Variants in RNASEH2A observed in about 807,000 individuals in gnomAD.
RNASEH2A encodes ribonuclease H2 subunit A, also known as RNase H(35).
Under a neutral mutation model 32.7 loss-of-function variants are expected in RNASEH2A, and 30 were observed. The ratio of observed to expected loss-of-function variants is 0.92; its 90% CI spans 0.69 to 1.25. RNASEH2A has a LOEUF of 1.25. Ranked by LOEUF, RNASEH2A falls within the 50% of genes most tolerant of loss-of-function variation. The pLI, the probability that RNASEH2A is intolerant of heterozygous loss-of-function variation, is 0.00. For missense variants in RNASEH2A, 409 were observed against 398.1 expected (o/e 1.03, Z -0.23); for synonymous variants, 147 against 165.4 (o/e 0.89, Z 0.86).
rs2145830339 is a variant in RNASEH2A at position 12,813,226 on chromosome 19, T to C, written c.761+20T>C. 10 of 1,613,912 alleles carry C rather than the reference T, an allele frequency of 6.2e-6. No homozygotes were observed. Among genetic ancestry groups the C allele is most frequent in the Non-Finnish European group, 7.6e-6 (9 of 1,179,930 alleles). On this transcript the variant is annotated intron_variant, in intron 7 of 7. Coordinates refer to ENST00000221486, the MANE Select transcript of RNASEH2A (RefSeq NM_006397.3). Reference sequence around the variant, plus strand: ...TATATGGTGGGTGTCATGGATGTCCTGGGGGTGCTATAGGGAAGGAAGGAG... The same window carrying C: ...TATATGGTGGGTGTCATGGATGTCCCGGGGGTGCTATAGGGAAGGAAGGAG...
chr19:12,807,775 T>C (rs879503361), intron 4 of RNASEH2A: 3 of 437,902 alleles, frequency 6.9e-6, no homozygotes, highest in Non-Finnish European at 1.3e-5. Context: ...CTACTAAAAA[T>C]ACAAAAATTA....
chr19:12,810,579 G>A (rs1182158250), intron 6 of RNASEH2A, among the ~76,000 whole-genome samples, 175 bp downstream of exon 6: 6 of 152,184 alleles, frequency 3.9e-5, no homozygotes, highest in African/African-American at 1.4e-4. Flanking sequence ...TGCCCAGGCT[G>A]GAGTGTAATG....
chr19:12,806,810 T>A lies in RNASEH2A; in HGVS notation c.127+10T>A, dbSNP rs1357684642. 1 of 1,585,372 alleles carries A rather than the reference T, an allele frequency of 6.3e-7. No individual in the cohort carries two copies. Among genetic ancestry groups the A allele is most frequent in the Non-Finnish European group, 8.6e-7 (1 of 1,166,418 alleles). On this transcript the variant is annotated intron_variant, in intron 1 of 7. Transcript: ENST00000221486. ...AGGGGCCCCGTGCTGGGTGCGCCCC[T>A]AGGGCCAGGGAGGGGAGGGGCGTGG...
intron 4 of RNASEH2A, among the ~76,000 whole-genome samples, chr19:12,808,347 T>C (rs1163730074): frequency 6.6e-6 from 1 of 152,238 alleles, no homozygotes; most frequent in Admixed American, 6.5e-5. Context: ...TCATTGCTAC[T>C]GTTGATTTCG....
chr19:12,809,504 C>G (rs994435840), intron 4 of RNASEH2A, among the ~76,000 whole-genome samples: 1 of 152,092 alleles, frequency 6.6e-6, no homozygotes, highest in Non-Finnish European at 1.5e-5. Context: ...CTACACCTAG[C>G]TAACTTTTTA....
In RNASEH2A at chr19:12,813,398, C is replaced by G; in HGVS notation, c.832C>G (p.Gln278Glu). Residue 278 changes from glutamine to glutamate, a missense_variant, in exon 8 of 8, where the codon CAA becomes GAA. By Grantham distance (29) the Gln-to-Glu change is conservative. Transcript: ENST00000221486. ...ATCCTACTTCCTCAATGAAGGGTCCCAAGCCCGTCCCCGTTCTTCCCACCG... is the reference window on the plus strand; with the variant it reads ...ATCCTACTTCCTCAATGAAGGGTCCGAAGCCCGTCCCCGTTCTTCCCACCG... ...ITSYFLNEGS[Q>E]ARPRSSHRYF... 2.5e-6 allele frequency: 4 copies of G among 1,614,164 alleles called. 1 individual carries two copies. The highest frequency in any genetic ancestry group is 3.4e-6 in the Non-Finnish European group (4 of 1,180,034).
chr19:12,811,222 T>C (rs1429833185), intron 6 of RNASEH2A, among the ~76,000 whole-genome samples: 1 of 152,170 alleles, frequency 6.6e-6, no homozygotes, highest in Non-Finnish European at 1.5e-5. Context: ...TTCCAGGCCA[T>C]AGGATTGCTG....
At chr19:12,809,039 G>A (rs1429428719) in intron 4 of RNASEH2A, among the ~76,000 whole-genome samples, 1 of 151,870 alleles carries the variant, frequency 6.6e-6, no homozygotes, top group Non-Finnish European at 1.5e-5. Flanking sequence ...ACAGACAAGG[G>A]CCCTACCCGT....
Position 12,807,713 on chromosome 19 carries a change from C to T in RNASEH2A, c.411+207C>T, listed in dbSNP as rs1969016079. 5 of 599,306 alleles carry T rather than the reference C, an allele frequency of 8.3e-6. 1 individual carries two copies. The South Asian group carries it at 9.0e-5, about 11-fold the overall frequency. 37.1% of individuals were successfully genotyped at this position (599,306 alleles called of 1,614,324 possible). A position where few individuals can be genotyped will look rare whatever the true frequency, so the allele number is the denominator to read the frequency against. ...TTGGGAAGCCGCGGCGGGTAGATCA[C>T]CGGAGGTCAAGAGTTCGAGACCAGC... On this transcript the variant is annotated intron_variant, in intron 4 of 7. Transcript: ENST00000221486.
In RNASEH2A at chr19:12,813,314, C is replaced by G. The variant is rs1297237306; in HGVS notation, c.762-14C>G. ...CCTGTGTAAGTGGTCACTGTCATCA[C>G]CTCTCTCCCACAGGGAGGACTCAGC... is the stretch of plus-strand genomic sequence containing the variant. On this transcript the variant is annotated splice_polypyrimidine_tract_variant and intron_variant, in intron 7 of 7. Coordinates refer to ENST00000221486, the MANE Select transcript of RNASEH2A (RefSeq NM_006397.3). 1 of 1,614,142 alleles carries G rather than the reference C, an allele frequency of 6.2e-7. No individual in the cohort carries two copies.
intron 4 of RNASEH2A, among the ~76,000 whole-genome samples, chr19:12,809,694 C>T (rs1005928465): frequency 1.3e-5 from 2 of 152,194 alleles, no homozygotes; most frequent in East Asian, 1.9e-4. Context: ...ATGTGGCATG[C>T]AGTAGGTGCT....
chr19:12,811,315 T>C (rs1969067416), intron 6 of RNASEH2A, among the ~76,000 whole-genome samples: 1 of 152,080 alleles, frequency 6.6e-6, no homozygotes, highest in South Asian at 2.1e-4. Context: ...TGTCCCTTTG[T>C]TAAGGGGAAG....
intron 4 of RNASEH2A, 47 bp downstream of exon 4, chr19:12,807,553 T>A (rs749940044): frequency 6.7e-7 from 1 of 1,501,118 alleles, no homozygotes; most frequent in Non-Finnish European, 9.3e-7. Flanking sequence ...CAGGATAAAA[T>A]GGGGACAAAA....
chr19:12,811,065 A>G (rs1376495643), intron 6 of RNASEH2A, among the ~76,000 whole-genome samples: 1 of 152,040 alleles, frequency 6.6e-6, no homozygotes, highest in Non-Finnish European at 1.5e-5. Flanking sequence ...ACTCCCAAAT[A>G]GCTAGGATTA....
intron 4 of RNASEH2A, chr19:12,807,842 G>A (rs975431522): frequency 5.5e-6 from 2 of 362,554 alleles, no homozygotes; most frequent in Middle Eastern, 1.9e-3. Context: ...TGAGACAGGA[G>A]AATCGCTTGA....
In RNASEH2A at chr19:12,813,007, GA is replaced by G. The variant is rs199522141; in HGVS notation, c.638-66del. ...CTACAGAGTGGGACTCCATCTCAAAGAAAAAAAAAAGAGTGGCAGGGAGCTT... is the reference window on the plus strand; with the variant it reads ...CTACAGAGTGGGACTCCATCTCAAAGAAAAAAAAAGAGTGGCAGGGAGCTT... On this transcript the variant is annotated intron_variant, in intron 6 of 7. Coordinates refer to ENST00000221486, the MANE Select transcript of RNASEH2A (RefSeq NM_006397.3). The G allele has an allele frequency of 8.7e-4, 1,258 of 1,444,224 alleles. 1 individual carries two copies. Among genetic ancestry groups the G allele is most frequent in the South Asian group, 1.8e-3 (154 of 83,452 alleles). The allele number at this position is 1,444,224 out of a possible 1,614,324, so 89.5% of individuals were successfully genotyped here.
Position 12,813,548 on chromosome 19 carries a change from T to A in RNASEH2A, c.*82T>A, listed in dbSNP as rs914075408. On this transcript the variant is annotated 3_prime_UTR_variant, in exon 8 of 8. Coordinates refer to ENST00000221486, the MANE Select transcript of RNASEH2A (RefSeq NM_006397.3). ...GGAGAACCACACGTAGGGGATGTAC[T>A]TTTGGGACAGAAGCAAGGTGGGAGT... is the stretch of plus-strand genomic sequence containing the variant. The A allele has an allele frequency of 6.3e-7, 1 of 1,582,696 alleles. No homozygotes were observed. The highest frequency in any genetic ancestry group is 1.3e-5 in the African/African-American group (1 of 74,492).
In RNASEH2A at chr19:12,813,115, G is replaced by T. The variant is rs775597355; in HGVS notation, c.670G>T (p.Val224Leu). ...GACAAAAGCGTGGTTGAAGGAGCAC[G>T]TGGAGCCTGTGTTCGGCTTCCCCCA... is the stretch of plus-strand genomic sequence containing the variant. The part of the protein sequence containing the change: ...PKTKAWLKEH[V>L]EPVFGFPQFV... Residue 224 changes from valine to leucine, a missense_variant, in exon 7 of 8, where the codon GTG (valine) becomes TTG (leucine). Coordinates refer to ENST00000221486, the MANE Select transcript of RNASEH2A (RefSeq NM_006397.3). 3 of 1,614,160 alleles carry T rather than the reference G, an allele frequency of 1.9e-6. No homozygotes were observed. Among genetic ancestry groups the T allele is most frequent in the Non-Finnish European group, 2.5e-6 (3 of 1,180,026 alleles).
At chr19:12,809,893 C>A (rs1445497442) in intron 4 of RNASEH2A, among the ~76,000 whole-genome samples, 178 bp from the exon 5 acceptor site, 1 of 152,196 alleles carries the variant, frequency 6.6e-6, no homozygotes, top group South Asian at 2.1e-4. Flanking sequence ...GGATCACAGG[C>A]CTGAACAACT....
Sources: gnomAD v4.1 joint callset for allele counts (sites outside exome capture counted in the v4.1 genomes callset) on GRCh38, gnomAD v4.1.1 for gene constraint, MANE v1.5 for transcripts, NCBI Gene and HGNC (gene_info 2026-07-23, HGNC 2026-07-21) for gene names.